The following ATAD2B variants were observed in gnomAD, a reference collection of about 807,000 sequenced individuals.
ATAD2B encodes the protein ATPase family AAA domain containing 2B.
Under a neutral mutation model 167.6 loss-of-function variants are expected in ATAD2B, and 40 were observed. That is an observed-to-expected ratio of 0.24 (90% CI 0.19 to 0.31). The LOEUF is 0.31. Among genes scored for constraint, ATAD2B ranks in the 10% least tolerant of loss-of-function variants. The pLI, the probability that ATAD2B is intolerant of heterozygous loss-of-function variation, is 1.00. For synonymous variants in ATAD2B, 579 were observed against 596.5 expected (o/e 0.97, Z 0.43); for missense variants, 1,242 against 1,757.2 (o/e 0.71, Z 5.24).
chr2:23,741,239 C>T, the ATAD2B span, among the ~76,000 whole-genome samples: 117 of 152,188 alleles, frequency 7.7e-4, 1 homozygote, highest in African/African-American at 2.4e-3. Context: ...GAGCCTGCAT[C>T]GCCAAGTCAA....
In ATAD2B at chr2:23,926,878, C is replaced by T; in HGVS notation, c.-108G>A. On this transcript the variant is annotated 5_prime_UTR_variant, in exon 1 of 28. Transcript: ENST00000238789. ...CGGAGCCGAGCCGGGCAATGAGAGA[C>T]GAGCCGGCCCGGAGCGTGCGGAGCG... The T allele has an allele frequency of 1.5e-6, 2 of 1,329,164 alleles. No individual in the cohort carries two copies. The highest frequency in any genetic ancestry group is 2.0e-6 in the Non-Finnish European group (2 of 1,002,900). 82.3% of individuals were successfully genotyped at this position (1,329,164 alleles called of 1,614,324 possible).
chr2:23,878,196 A>G (rs55653559), intron 7 of ATAD2B, among the ~76,000 whole-genome samples: 18,252 of 151,654 alleles, frequency 0.12, 1,171 homozygotes, highest in Middle Eastern at 0.22. Flanking sequence ...CCCCATCTCT[A>G]CTAAAAATAC....
intron 1 of ATAD2B, among the ~76,000 whole-genome samples, chr2:23,924,624 G>C (rs998300381): frequency 1.3e-5 from 2 of 152,096 alleles, no homozygotes; most frequent in African/African-American, 4.8e-5. Context: ...TCATCTCCTA[G>C]AGCCGAACAT....
At chr2:23,914,694 T>C (rs1182260824) in intron 1 of ATAD2B, among the ~76,000 whole-genome samples, 2 of 151,800 alleles carry the variant, frequency 1.3e-5, no homozygotes, top group Non-Finnish European at 2.9e-5. Context: ...CAAAAAAAAT[T>C]AGCCGGGCGA....
rs116283475 is a variant in ATAD2B, at chr2:23,788,496, G to C, written c.2776+16C>G. ...CTCCATCCCTCCCATTTTCCTAAAG[G>C]CTTTACAAACTTTACCAGCATGTTT... is the stretch of plus-strand genomic sequence containing the variant. On this transcript the variant is annotated intron_variant, in intron 20 of 27. Coordinates refer to ENST00000238789, the MANE Select transcript of ATAD2B (RefSeq NM_017552.4). 214 of 1,610,790 alleles carry C rather than the reference G, an allele frequency of 1.3e-4. No homozygotes were observed. The highest frequency in any genetic ancestry group is 1.7e-4 in the Non-Finnish European group (200 of 1,178,192).
At position 23,792,237 on chromosome 2, in the gene ATAD2B, C is replaced by T. The variant is rs534439561; in HGVS notation, c.2641-3590G>A. ...CTAATTTTTGTATTTTTAGTAGAGA[C>T]GGGGTTTCACTACGTTGGCCAGGAT... is the stretch of plus-strand genomic sequence containing the variant. On this transcript the variant is annotated intron_variant, in intron 19 of 27. Transcript: ENST00000238789. Among the ~76,000 whole-genome samples the T allele has an allele frequency of 3.4e-4, 51 of 151,862 alleles. 1 individual carries two copies. Among genetic ancestry groups the T allele is most frequent in the Admixed American group, 1.2e-3 (18 of 15,266 alleles).
In ATAD2B at chr2:23,798,060, TA is replaced by T. The variant is rs1165760011; in HGVS notation, c.2640+77del. 15 of 956,550 alleles carry T rather than the reference TA, an allele frequency of 1.6e-5. No homozygotes were observed. In the East Asian group the frequency reaches 3.7e-4, roughly 23 times the overall value. The allele number at this position is 956,550 out of a possible 1,614,324, so 59.3% of individuals were successfully genotyped here. A position where few individuals can be genotyped will look rare whatever the true frequency, so the allele number is the denominator to read the frequency against. ...CTGGCAGTATTAATTTTATAATAAT[TA>T]AAAGGTGTCCAATTTACAGAGTCAA... On this transcript the variant is annotated intron_variant, in intron 19 of 27. Transcript: ENST00000238789.
intron 10 of ATAD2B, among the ~76,000 whole-genome samples, chr2:23,867,102 T>C (rs1316233921): frequency 1.3e-5 from 2 of 152,180 alleles, no homozygotes; most frequent in African/African-American, 4.8e-5. Context: ...AATAACCCAT[T>C]ACCTACAAGG....
In ATAD2B at chr2:23,748,803, T is replaced by TAAC. The variant is rs1021569809; in HGVS notation, c.*3240_*3242dup. 3.9e-5 allele frequency: 6 copies of TAAC among 152,120 alleles called. No homozygotes were observed. Among genetic ancestry groups the TAAC allele is most frequent in the Non-Finnish European group, 7.4e-5 (5 of 68,006 alleles). The allele number at this position is 152,120 out of a possible 1,614,324, so 9.4% of individuals were successfully genotyped here. On this transcript the variant is annotated 3_prime_UTR_variant, in exon 28 of 28. Transcript: ENST00000238789. ...TGAAGTCAAATGCAAAACATCAATT[T>TAAC]AACACAATTCTAAATTAAAACTACA...
chr2:23,756,497 A>T (rs1675966713), intron 25 of ATAD2B, among the ~76,000 whole-genome samples: 1 of 152,198 alleles, frequency 6.6e-6, no homozygotes, highest in Non-Finnish European at 1.5e-5. Flanking sequence ...AGCCTCCTAT[A>T]AGAGTACCTA....
intron 20 of ATAD2B, chr2:23,788,274 C>G (rs758387845): frequency 1.5e-5 from 7 of 451,906 alleles, no homozygotes; most frequent in Non-Finnish European, 2.8e-5. Context: ...ACATCTACCA[C>G]AGGATGTGGT....
chr2:23,697,603 T>TA, the ATAD2B span: 1 of 152,258 alleles, frequency 6.6e-6, no homozygotes. Flanking sequence ...TGACAAATGT[T>TA]ACAGCAAAGA....
the ATAD2B span, among the ~76,000 whole-genome samples, chr2:23,719,436 T>TA: frequency 1.3e-5 from 2 of 152,286 alleles, no homozygotes; most frequent in East Asian, 3.9e-4. Flanking sequence ...AATGGCAGCG[T>TA]AGAAGCAAGC....
chr2:23,701,917 C>T, the ATAD2B span, among the ~76,000 whole-genome samples: 1 of 150,118 alleles, frequency 6.7e-6, no homozygotes, highest in African/African-American at 2.5e-5. Flanking sequence ...TCTTCTGCCT[C>T]AGCCGGGTAG....
At chr2:23,788,737 G>T in intron 19 of ATAD2B, 90 bp from the exon 20 acceptor site, 1 of 1,083,204 alleles carries the variant, frequency 9.2e-7, no homozygotes, top group Non-Finnish European at 1.3e-6. Flanking sequence ...TCATCTTCCA[G>T]TATCATGTTC....
chr2:23,744,288 T>A (rs1674682236), downstream of ATAD2B, among the ~76,000 whole-genome samples: 1 of 152,078 alleles, frequency 6.6e-6, no homozygotes, highest in African/African-American at 2.4e-5. Context: ...GAGAATTTTT[T>A]TTTTTTTTTG....
intron 18 of ATAD2B, among the ~76,000 whole-genome samples, chr2:23,802,557 T>A (rs1683666366): frequency 6.6e-6 from 1 of 151,978 alleles, no homozygotes; most frequent in African/African-American, 2.4e-5. Context: ...TTTTCTAATA[T>A]TTTCATTCCC....
the ATAD2B span, chr2:23,691,430 C>CT: frequency 7.0e-6 from 4 of 570,372 alleles, no homozygotes; most frequent in Non-Finnish European, 9.4e-6. Flanking sequence ...TGATTTGCAT[C>CT]TTTTTTTGCA....
chr2:23,737,078 G>C, the ATAD2B span, among the ~76,000 whole-genome samples: 1 of 152,232 alleles, frequency 6.6e-6, no homozygotes, highest in African/African-American at 2.4e-5. Flanking sequence ...GCCCACCACA[G>C]CTAAAGGAGG....
Sources: allele counts gnomAD v4.1 joint callset (sites outside exome capture counted in the v4.1 genomes callset), GRCh38; gene constraint gnomAD v4.1.1; transcripts MANE v1.5; gene names NCBI Gene and HGNC (gene_info 2026-07-23, HGNC 2026-07-21).